Variants in SLTM observed in about 807,000 individuals in gnomAD.
The protein encoded by SLTM is SAFB like transcription modulator.
Under a neutral mutation model 134.6 loss-of-function variants are expected in SLTM, and 43 were observed. The ratio of observed to expected loss-of-function variants is 0.32; its 90% CI spans 0.25 to 0.41. SLTM has a LOEUF of 0.41. Among genes scored for constraint, SLTM ranks in the 10% least tolerant of loss-of-function variants. The pLI, the probability that SLTM is intolerant of heterozygous loss-of-function variation, is 1.00. For synonymous variants in SLTM, 424 were observed against 432.3 expected, an observed-to-expected ratio of 0.98 and a Z score of 0.24; for missense variants, 1,055 against 1,288.8, an observed-to-expected ratio of 0.82 and a Z score of 2.78.
rs778818384 is a variant in SLTM at position 58,893,027 on chromosome 15, T to C, written c.1768A>G (p.Ser590Gly). The change falls in exon 14 of 21, where the codon AGT (serine) becomes GGT (glycine). Residue 590 changes from serine (S) to glycine (G), a missense_variant. Ser to Gly is a moderately conservative substitution (Grantham distance 56). Around this residue, in one of 3 missense-constraint regions of SLTM, gnomAD observed 776 missense variants for 962.2 expected, o/e 0.81. Coordinates refer to ENST00000380516, the MANE Select transcript of SLTM (RefSeq NM_024755.4). ...TCTTTATCTCTTTTTTTATCTAGAC[T>C]AGCTCTCTCCTTTTCCTTACTTCTT... ...HGRSKEKERASLDKKRDKDYR... is the reference protein window; with the variant it reads ...HGRSKEKERAGLDKKRDKDYR... 3 of 1,603,490 alleles carry C rather than the reference T, an allele frequency of 1.9e-6. No homozygotes were observed. Among genetic ancestry groups the C allele is most frequent in the South Asian group, 2.3e-5 (2 of 88,456 alleles).
At chr15:58,909,033 C>T (rs866716061) in intron 5 of SLTM, among the ~76,000 whole-genome samples, 8 of 152,084 alleles carry the variant, frequency 5.3e-5, no homozygotes, top group African/African-American at 1.9e-4. Flanking sequence ...TTGAAAAGAC[C>T]TAGAAACAAT....
intron 2 of SLTM, among the ~76,000 whole-genome samples, chr15:58,920,662 TAAAA>T (rs1555456124): frequency 7.4e-6 from 1 of 135,600 alleles, no homozygotes; most frequent in Non-Finnish European, 1.6e-5. Context: ...AATAAATAAA[TAAAA>T]ATTTTTTGGC....
At chr15:58,916,652 T>C (rs973627242) in intron 3 of SLTM, 10 of 243,692 alleles carry the variant, frequency 4.1e-5, no homozygotes, top group South Asian at 7.3e-5. Context: ...TGTATATCAA[T>C]TGTCTCGTAG....
chr15:58,889,707 T>C (rs2034512406), intron 15 of SLTM, among the ~76,000 whole-genome samples, 153 bp from the exon 16 acceptor site: 1 of 152,214 alleles, frequency 6.6e-6, no homozygotes, highest in African/African-American at 2.4e-5. Flanking sequence ...TTGATTTCAA[T>C]AATCTAGGCT....
At chr15:58,889,347 C>T in intron 16 of SLTM, 83 bp downstream of exon 16, 1 of 1,543,186 alleles carries the variant, frequency 6.5e-7, no homozygotes, top group Non-Finnish European at 8.9e-7. Context: ...GTGATGGGAG[C>T]CTGTACTTTC....
chr15:58,890,438 T>G lies in SLTM; in HGVS notation c.1922A>C (p.Glu641Ala). 1.9e-6 allele frequency: 3 copies of G among 1,613,820 alleles called. No individual in the cohort carries two copies. The highest frequency in any genetic ancestry group is 2.5e-6 in the Non-Finnish European group (3 of 1,179,946). Residue 641 changes from glutamate (E) to alanine (A), a missense_variant, in exon 15 of 21, where the codon GAG becomes GCG. By Grantham distance (107) the Glu-to-Ala change is moderately radical (BLOSUM62 -1). This residue lies in a region of SLTM where 776 missense variants were observed against 962.2 expected (regional missense o/e 0.81). Coordinates refer to ENST00000380516, the MANE Select transcript of SLTM (RefSeq NM_024755.4). ...LRRRREIAERERRERERIRII... is the reference protein window; with the variant it reads ...LRRRREIAERARRERERIRII... ...TCTAATGCGTTCTCGCTCTCGACGCTCTCTCTCTGCAATCTCTCTTCGTCT... is the reference window on the plus strand; with the variant it reads ...TCTAATGCGTTCTCGCTCTCGACGCGCTCTCTCTGCAATCTCTCTTCGTCT...
chr15:58,889,651 A>G, intron 15 of SLTM, 97 bp from the exon 16 acceptor site: 1 of 1,492,176 alleles, frequency 6.7e-7, no homozygotes. Context: ...CTAAGAAACC[A>G]TCATAAGCAA....
intron 11 of SLTM, 42 bp downstream of exon 11, chr15:58,894,048 C>CT (rs747328052): frequency 1.3e-6 from 2 of 1,599,370 alleles, no homozygotes; most frequent in Non-Finnish European, 1.7e-6. Flanking sequence ...CCAAAAAAGT[C>CT]TATCTGCTTA....
chr15:58,889,527 C>G lies in SLTM; in HGVS notation c.2107G>C (p.Ala703Pro). Residue 703 changes from alanine to proline, a missense_variant, in exon 16 of 21, where the codon GCT becomes CCT. Ala to Pro is a conservative substitution (Grantham distance 27). Transcript: ENST00000380516. The part of the protein sequence containing the change: ...QERRKEAERI[A>P]REREELRRQQ... ...CTTCTGAGTTCCTCTCTTTCTCGAG[C>G]AATCCGTTCAGCTTCCTTACGACGT... The G allele has an allele frequency of 2.5e-6, 4 of 1,614,058 alleles. No individual in the cohort carries two copies. The highest frequency in any genetic ancestry group is 3.4e-6 in the Non-Finnish European group (4 of 1,179,920).
At chr15:58,933,375 G>T (rs752912141) in intron 1 of SLTM, 29 bp downstream of exon 1, 1 of 1,562,756 alleles carries the variant, frequency 6.4e-7, no homozygotes, top group Admixed American at 1.8e-5. Context: ...TCCCCTTCCC[G>T]GTCCTTTCCG....
rs776805676 is a variant in SLTM, at chr15:58,892,891, T to C, written c.1898+6A>G. On this transcript the variant is annotated splice_donor_region_variant and intron_variant, in intron 14 of 20. Transcript: ENST00000380516. Reference sequence around the variant, plus strand: ...AAGACAGGTATAAAACAGACTCTCTTCCTACCTTCGAAGTTCCATTGCTCG... The same window carrying C: ...AAGACAGGTATAAAACAGACTCTCTCCCTACCTTCGAAGTTCCATTGCTCG... 7 of 1,612,594 alleles carry C rather than the reference T, an allele frequency of 4.3e-6. No individual in the cohort carries two copies. Among genetic ancestry groups the C allele is most frequent in the Non-Finnish European group, 5.9e-6 (7 of 1,179,534 alleles).
At chr15:58,932,282 G>A (rs1244524452) in intron 2 of SLTM, 74 bp downstream of exon 2, 19 of 1,076,162 alleles carry the variant, frequency 1.8e-5, no homozygotes, top group Non-Finnish European at 2.6e-5. Flanking sequence ...TATAAACAGG[G>A]CAAGAGGCAC....
At chr15:58,914,902 A>C (rs1301132272) in intron 3 of SLTM, among the ~76,000 whole-genome samples, 2 of 152,190 alleles carry the variant, frequency 1.3e-5, no homozygotes. Flanking sequence ...AGAATTTTTA[A>C]AAAGCTCCTA....
At chr15:58,896,594 A>G (rs1207713140) in intron 9 of SLTM, among the ~76,000 whole-genome samples, 1 of 152,082 alleles carries the variant, frequency 6.6e-6, no homozygotes. Context: ...TATAAACTTA[A>G]TGTAGATATA....
intron 9 of SLTM, among the ~76,000 whole-genome samples, chr15:58,895,373 A>G (rs907491469): frequency 2.0e-5 from 3 of 152,226 alleles, no homozygotes; most frequent in African/African-American, 4.8e-5. Context: ...CTTTCAATCT[A>G]TGTGCTTTTA....
chr15:58,894,093 C>G lies in SLTM; in HGVS notation c.1478G>C (p.Ser493Thr). 6.3e-7 allele frequency: 1 copy of G among 1,598,266 alleles called. No homozygotes were observed. Residue 493 changes from serine (S) to threonine (T), a missense_variant, in exon 11 of 21, where the codon AGC (serine) becomes ACC (threonine). By Grantham distance (58) the Ser-to-Thr change is moderately conservative. Transcript: ENST00000380516. The part of the protein sequence containing the change: ...GDKKNTSDRS[S>T]KTQASVKKEE... ...ATAAATAAAAATAAATCCTTACTTG[C>G]TACTTCTATCACTCGTATTTTTTTT... is the stretch of plus-strand genomic sequence containing the variant.
intron 5 of SLTM, among the ~76,000 whole-genome samples, chr15:58,906,247 T>C (rs1334210206): frequency 6.6e-6 from 1 of 152,144 alleles, no homozygotes; most frequent in Non-Finnish European, 1.5e-5. Context: ...AAATGAGGAA[T>C]ATAGCAAGTA....
intron 5 of SLTM, among the ~76,000 whole-genome samples, chr15:58,908,002 C>CGTGTGTGTGTGTGTGTGTGT (rs140029214): frequency 2.2e-4 from 31 of 139,944 alleles, no homozygotes; most frequent in Admixed American, 4.3e-4. Context: ...AAACATGCTG[C>CGTGTGTGTGTGTGTGTGTGT]GTGTGTGTGT....
chr15:58,898,852 G>A lies in SLTM; in HGVS notation c.1059C>T (p.Ser353=). The change falls in exon 8 of 21, where the codon AGC becomes AGT. Residue 353 remains serine, a splice_region_variant and synonymous_variant. Transcript: ENST00000380516. ...TGCTGTCTTTAGATTCCTTTGAAGA[G>A]CTAAAGAGGCAAATCACCAGAAGAA... ...SSTGASGQAK[S]SSKESKDSKT... 1 of 1,605,428 alleles carries A rather than the reference G, an allele frequency of 6.2e-7. No individual in the cohort carries two copies. Among genetic ancestry groups the A allele is most frequent in the East Asian group, 2.2e-5 (1 of 44,580 alleles).
Sources: allele counts gnomAD v4.1 joint callset (sites outside exome capture counted in the v4.1 genomes callset), GRCh38; gene constraint gnomAD v4.1.1; regional missense constraint gnomAD v4.1.1; transcripts MANE v1.5; gene names NCBI Gene and HGNC (gene_info 2026-07-23, HGNC 2026-07-21).